The following MCU variants were observed in gnomAD, a reference collection of about 807,000 sequenced individuals.
MCU encodes the protein mitochondrial calcium uniporter.
Under a neutral mutation model 45.2 loss-of-function variants are expected in MCU, and 12 were observed. That is an observed-to-expected ratio of 0.27 (90% CI 0.17 to 0.43). MCU has a LOEUF of 0.43. Ranked by LOEUF, MCU falls within the 20% of genes least tolerant of loss-of-function variation. MCU has a pLI of 1.00. For synonymous variants in MCU, 160 were observed against 165.1 expected, an observed-to-expected ratio of 0.97 and a Z score of 0.24; for missense variants, 324 against 436.7, an observed-to-expected ratio of 0.74 and a Z score of 2.30.
intron 1 of MCU, among the ~76,000 whole-genome samples, chr10:72,823,630 A>G (rs577780536): frequency 6.6e-6 from 1 of 152,240 alleles, no homozygotes; most frequent in Non-Finnish European, 1.5e-5. Context: ...ATGTGAAGTT[A>G]CACCTTGGCA....
At chr10:72,743,406 C>G (rs1400311270) in intron 1 of MCU, among the ~76,000 whole-genome samples, 1 of 88,292 alleles carries the variant, frequency 1.1e-5, no homozygotes, top group Admixed American at 1.6e-4. Context: ...GAGTGATACT[C>G]CATCTCAAAA....
intron 1 of MCU, among the ~76,000 whole-genome samples, chr10:72,799,071 C>T (rs903376353): frequency 2.6e-5 from 4 of 152,068 alleles, no homozygotes; most frequent in African/African-American, 4.8e-5. Context: ...GGACTATAGG[C>T]GCCCGCCACC....
At chr10:72,823,101 T>C (rs1264314893) in intron 1 of MCU, among the ~76,000 whole-genome samples, 1 of 152,072 alleles carries the variant, frequency 6.6e-6, no homozygotes, top group African/African-American at 2.4e-5. Context: ...AGCTAAAAAG[T>C]GGAAACAACC....
rs1166874680 is a variant in MCU at position 72,887,339 on chromosome 10, A to G, written c.*1517A>G. On this transcript the variant is annotated 3_prime_UTR_variant, in exon 8 of 8. Coordinates refer to ENST00000373053, the MANE Select transcript of MCU (RefSeq NM_138357.3). ...TGCTACTCCTGCCAACACCCCTTTC[A>G]TTGGCATGACGGAATGAAAGGATGC... 6.5e-6 allele frequency: 1 copy of G among 152,788 alleles called. No individual in the cohort carries two copies. The highest frequency in any genetic ancestry group is 1.5e-5 in the Non-Finnish European group (1 of 68,042). The allele number at this position is 152,788 out of a possible 1,614,324, so 9.5% of individuals were successfully genotyped here.
intron 1 of MCU, among the ~76,000 whole-genome samples, chr10:72,812,497 G>A (rs1019657838): frequency 2.0e-5 from 3 of 152,158 alleles, no homozygotes; most frequent in Non-Finnish European, 4.4e-5. Context: ...AGTGGGCAGA[G>A]CAAAAGAGTA....
chr10:72,716,682 C>G (rs1842958797), intron 1 of MCU, among the ~76,000 whole-genome samples: 1 of 151,372 alleles, frequency 6.6e-6, no homozygotes, highest in African/African-American at 2.4e-5. Context: ...CCAGGAGTGC[C>G]TAACCAGCTT....
At chr10:72,864,987 C>T (rs575963404) in intron 4 of MCU, among the ~76,000 whole-genome samples, 3 of 152,156 alleles carry the variant, frequency 2.0e-5, no homozygotes, top group African/African-American at 7.2e-5. Flanking sequence ...CTAATATATT[C>T]CTATATAAAG....
At chr10:72,708,055 G>C (rs1387067699) in intron 1 of MCU, among the ~76,000 whole-genome samples, 1 of 152,076 alleles carries the variant, frequency 6.6e-6, no homozygotes, top group African/African-American at 2.4e-5. Context: ...TCATTAGATG[G>C]CTTGTGTAAA....
chr10:72,885,824 C>T lies in MCU; in HGVS notation c.*2C>T. 1.2e-6 allele frequency: 2 copies of T among 1,611,894 alleles called. No individual in the cohort carries two copies. The highest frequency in any genetic ancestry group is 1.7e-6 in the Non-Finnish European group (2 of 1,178,114). On this transcript the variant is annotated 3_prime_UTR_variant, in exon 8 of 8. Transcript: ENST00000373053. ...CGACAAATTGGTGAAAAAGATTGATCTGCAAAAAGCCTCTGAATCCTGGCA... is the reference window on the plus strand; with the variant it reads ...CGACAAATTGGTGAAAAAGATTGATTTGCAAAAAGCCTCTGAATCCTGGCA...
chr10:72,740,689 A>G (rs977758816), intron 1 of MCU, among the ~76,000 whole-genome samples: 3 of 152,226 alleles, frequency 2.0e-5, no homozygotes, highest in Admixed American at 6.5e-5. Flanking sequence ...GTAAGAGCTA[A>G]TGTAGTACAA....
At chr10:72,708,555 C>G (rs1842851762) in intron 1 of MCU, among the ~76,000 whole-genome samples, 1 of 152,104 alleles carries the variant, frequency 6.6e-6, no homozygotes, top group African/African-American at 2.4e-5. Context: ...GTGAACTGAG[C>G]CTAGTATAGT....
intron 1 of MCU, among the ~76,000 whole-genome samples, chr10:72,774,973 T>A (rs989308355): frequency 6.6e-6 from 1 of 151,902 alleles, no homozygotes; most frequent in African/African-American, 2.4e-5. Flanking sequence ...AACACCACAG[T>A]CTCAGTAATG....
chr10:72,857,066 C>T (rs1326902371), intron 2 of MCU, among the ~76,000 whole-genome samples: 1 of 152,028 alleles, frequency 6.6e-6, no homozygotes, highest in Non-Finnish European at 1.5e-5. Flanking sequence ...TCTGCCTCAG[C>T]CTCCTGAGTA....
At chr10:72,772,571 C>T (rs898848894) in intron 1 of MCU, among the ~76,000 whole-genome samples, 1 of 152,184 alleles carries the variant, frequency 6.6e-6, no homozygotes, top group Non-Finnish European at 1.5e-5. Context: ...GTTCTGCACA[C>T]CTGTAATCCC....
chr10:72,870,482 C>G (rs943905876), intron 5 of MCU, among the ~76,000 whole-genome samples: 3 of 151,990 alleles, frequency 2.0e-5, no homozygotes, highest in African/African-American at 7.3e-5. Flanking sequence ...CGGGATTTCA[C>G]CATGTTAGCC....
chr10:72,715,265 ACTTT>A, intron 1 of MCU: 3 of 723,172 alleles, frequency 4.1e-6, no homozygotes, highest in African/African-American at 1.9e-5. Flanking sequence ...GTTTTTGCTT[ACTTT>A]GCAAAGCCAT....
intron 6 of MCU, among the ~76,000 whole-genome samples, chr10:72,877,357 C>T (rs1271835396): frequency 2.6e-5 from 4 of 152,100 alleles, no homozygotes; most frequent in Non-Finnish European, 5.9e-5. Flanking sequence ...GGTGAATAGC[C>T]TAGTAGCAGC....
chr10:72,885,944 C>A lies in MCU; in HGVS notation c.*122C>A. 1 of 683,704 alleles carries A rather than the reference C, an allele frequency of 1.5e-6. No homozygotes were observed. The highest frequency in any genetic ancestry group is 1.8e-5 in the South Asian group (1 of 54,202). 42.4% of individuals were successfully genotyped at this position (683,704 alleles called of 1,614,324 possible). ...AGCGTTTTTACCTTTAATTATAAAA[C>A]AAAAACAGAAAGGATCTGAGGGAAG... On this transcript the variant is annotated 3_prime_UTR_variant, in exon 8 of 8. Transcript: ENST00000373053.
chr10:72,803,072 A>G lies in MCU; in HGVS notation c.151-31287A>G, dbSNP rs74427561. On this transcript the variant is annotated intron_variant, in intron 1 of 7. Transcript: ENST00000373053. ...CTTCTCCTTTGTGGATTTTATTGTA[A>G]GAGAAGATAGGCTTAAAACAGAATA... Among the ~76,000 whole-genome samples, 32 of 152,304 alleles carry G rather than the reference A, an allele frequency of 2.1e-4. 1 individual carries two copies. The East Asian group carries it at 6.2e-3, about 29-fold the overall frequency.
Sources: gnomAD v4.1 joint callset for allele counts (sites outside exome capture counted in the v4.1 genomes callset) on GRCh38, gnomAD v4.1.1 for gene constraint, MANE v1.5 for transcripts, NCBI Gene and HGNC (gene_info 2026-07-23, HGNC 2026-07-21) for gene names.